Variants in CACNB2 observed in about 807,000 individuals in gnomAD.
CACNB2 encodes the protein voltage-dependent L-type calcium channel subunit beta-2.
Under a neutral mutation model 73.3 loss-of-function variants are expected in CACNB2, and 42 were observed. The ratio of observed to expected loss-of-function variants is 0.57; its 90% confidence interval spans 0.45 to 0.74. CACNB2 has a LOEUF of 0.74. CACNB2 is among the 30% of genes least tolerant of loss of function. The pLI, the probability that CACNB2 is intolerant of heterozygous loss-of-function variation, is 0.00. For synonymous variants in CACNB2, 348 were observed against 310.3 expected (o/e 1.12, Z -1.28); for missense variants, 940 against 853.0 (o/e 1.10, Z -1.27).
At chr10:18,496,798 G>C (rs2049847904) in intron 3 of CACNB2, among the ~76,000 whole-genome samples, 1 of 89,926 alleles carries the variant, frequency 1.1e-5, no homozygotes, top group South Asian at 3.4e-4. Context: ...TGGGCAACAA[G>C]AGCGAAACTC....
intron 2 of CACNB2, among the ~76,000 whole-genome samples, chr10:18,231,849 A>C (rs1328950071): frequency 6.6e-6 from 1 of 151,642 alleles, no homozygotes; most frequent in African/African-American, 2.4e-5. Flanking sequence ...AGCCCTCATC[A>C]CTCCCCTGCT....
chr10:18,242,117 G>A (rs1381037877), intron 2 of CACNB2, among the ~76,000 whole-genome samples: 1 of 151,672 alleles, frequency 6.6e-6, no homozygotes, highest in African/African-American at 2.4e-5. Flanking sequence ...ATACATGTGT[G>A]TGTGTGTGTA....
At chr10:18,503,850 T>G (rs1012418333) in intron 5 of CACNB2, among the ~76,000 whole-genome samples, 1 of 152,236 alleles carries the variant, frequency 6.6e-6, no homozygotes, top group Admixed American at 6.5e-5. Flanking sequence ...TTATAGCCTT[T>G]TAATGTCATC....
chr10:18,266,916 C>CTT (rs1454832127), intron 2 of CACNB2, among the ~76,000 whole-genome samples: 1 of 152,034 alleles, frequency 6.6e-6, no homozygotes, highest in Non-Finnish European at 1.5e-5. Context: ...ATGAGCTATA[C>CTT]ACTTATATAT....
chr10:18,518,019 T>C (rs1210218205), intron 7 of CACNB2, among the ~76,000 whole-genome samples: 2 of 152,210 alleles, frequency 1.3e-5, no homozygotes, highest in Non-Finnish European at 2.9e-5. Flanking sequence ...AGCACCTATC[T>C]TGCATGAGGC....
chr10:18,145,613 A>G (rs966406688), intron 1 of CACNB2, among the ~76,000 whole-genome samples: 4 of 152,196 alleles, frequency 2.6e-5, no homozygotes, highest in Non-Finnish European at 5.9e-5. Context: ...TTTGAATTAT[A>G]TAGCCTTGGC....
intron 2 of CACNB2, among the ~76,000 whole-genome samples, chr10:18,152,027 A>G (rs2031604460): frequency 6.6e-6 from 1 of 152,008 alleles, no homozygotes; most frequent in Non-Finnish European, 1.5e-5. Context: ...GGACAGTTAC[A>G]TTTCCCTAGC....
intron 1 of CACNB2, among the ~76,000 whole-genome samples, chr10:18,146,642 G>A (rs1273467509): frequency 1.3e-5 from 2 of 151,890 alleles, no homozygotes; most frequent in East Asian, 1.9e-4. Flanking sequence ...CACGCCTGGC[G>A]AATTTTTTTG....
chr10:18,279,993 C>T (rs1474382155), intron 2 of CACNB2, among the ~76,000 whole-genome samples: 1 of 152,180 alleles, frequency 6.6e-6, no homozygotes, highest in Non-Finnish European at 1.5e-5. Context: ...GCAAGAGAAT[C>T]ACTTGAACCC....
chr10:18,184,613 T>TA (rs2034054877), intron 2 of CACNB2, among the ~76,000 whole-genome samples: 1 of 151,478 alleles, frequency 6.6e-6, no homozygotes, highest in Admixed American at 6.6e-5. Context: ...ACAGTCTTTT[T>TA]AGGCTTCACT....
chr10:18,227,748 T>C (rs1289232107), intron 2 of CACNB2, among the ~76,000 whole-genome samples: 4 of 152,140 alleles, frequency 2.6e-5, no homozygotes, highest in Admixed American at 2.0e-4. Context: ...AATAGACAAG[T>C]ATGCTGCGTG....
chr10:18,284,920 G>T (rs562696430), intron 2 of CACNB2, among the ~76,000 whole-genome samples: 126 of 152,334 alleles, frequency 8.3e-4, no homozygotes, highest in Admixed American at 2.1e-3. Context: ...CTAAATCACA[G>T]ATTTGGTCCC....
chr10:18,340,072 A>C (rs1374080132), intron 2 of CACNB2, among the ~76,000 whole-genome samples: 1 of 152,148 alleles, frequency 6.6e-6, no homozygotes, highest in Non-Finnish European at 1.5e-5. Context: ...TGATTTATCT[A>C]TTCACGTCTT....
In CACNB2 at chr10:18,333,351, A is replaced by G. The variant is rs370618899; in HGVS notation, c.214-68573A>G. 5.9e-5 allele frequency among the ~76,000 whole-genome samples: 9 copies of G among 152,258 alleles called. No homozygotes were observed. In the East Asian group the frequency reaches 1.4e-3, roughly 23 times the overall value. On this transcript the variant is annotated intron_variant, in intron 2 of 13. Transcript: ENST00000324631. Reference sequence around the variant, plus strand: ...CTGAGGAAGGGATTTCCACAGTACAACTACTTGCCTTAAATAGTACAGCTT... The same window carrying G: ...CTGAGGAAGGGATTTCCACAGTACAGCTACTTGCCTTAAATAGTACAGCTT...
chr10:18,338,928 C>T (rs1469822006), intron 2 of CACNB2, among the ~76,000 whole-genome samples: 1 of 151,540 alleles, frequency 6.6e-6, no homozygotes, highest in African/African-American at 2.4e-5. Flanking sequence ...TTTGCAGAGA[C>T]GGGGTCTTCC....
At chr10:18,508,820 A>C (rs1464005354) in intron 6 of CACNB2, among the ~76,000 whole-genome samples, 1 of 152,216 alleles carries the variant, frequency 6.6e-6, no homozygotes, top group Non-Finnish European at 1.5e-5. Context: ...AAAAATTTGT[A>C]ATAAACTTGC....
chr10:18,529,455 G>A (rs1262171962), intron 10 of CACNB2, among the ~76,000 whole-genome samples: 1 of 152,178 alleles, frequency 6.6e-6, no homozygotes, highest in Non-Finnish European at 1.5e-5. Flanking sequence ...CAAAGTGGTC[G>A]AGCCATGAAC....
At chr10:18,221,506 C>T (rs2035791882) in intron 2 of CACNB2, among the ~76,000 whole-genome samples, 1 of 152,100 alleles carries the variant, frequency 6.6e-6, no homozygotes, top group South Asian at 2.1e-4. Context: ...TGGTGAAGCC[C>T]TGTCTCTACT....
At chr10:18,463,337 AATATAGCAAGACCT>A (rs1413637905) in intron 3 of CACNB2, among the ~76,000 whole-genome samples, 1 of 151,880 alleles carries the variant, frequency 6.6e-6, no homozygotes. Context: ...CAGCCTGGAC[AATATAGCAAGACCT>A]CTTATCTATT....
Sources: gnomAD v4.1 joint callset for allele counts (sites outside exome capture counted in the v4.1 genomes callset) on GRCh38, gnomAD v4.1.1 for gene constraint, MANE v1.5 for transcripts, NCBI Gene and HGNC (gene_info 2026-07-23, HGNC 2026-07-21) for gene names.